The following PLD5 variants were observed in gnomAD, a reference collection of about 807,000 sequenced individuals.
PLD5 encodes the protein inactive phospholipase D5.
Under a neutral mutation model 61.1 loss-of-function variants are expected in PLD5, and 36 were observed. The observed-to-expected ratio is 0.59, with a 90% CI of 0.45 to 0.78. The LOEUF (loss-of-function observed/expected upper bound fraction) is 0.78, where lower values mean the gene tolerates loss of function less well. Among genes scored for constraint, PLD5 ranks in the 30% least tolerant of loss-of-function variants. PLD5 has a pLI of 0.00. For missense variants in PLD5, 515 were observed against 644.4 expected, an observed-to-expected ratio of 0.80 and a Z score of 2.17; for synonymous variants, 243 against 242.8, an observed-to-expected ratio of 1.00 and a Z score of -0.01.
chr1:242,525,533 A>G (rs1031925237), upstream of PLD5, among the ~76,000 whole-genome samples: 8 of 152,164 alleles, frequency 5.3e-5, no homozygotes, highest in Admixed American at 2.6e-4. Flanking sequence ...TAAATCTTCA[A>G]TCTCTTCATC....
rs1673047142 is a variant in PLD5, at chr1:242,256,760, ATCTATCTATC to A, written c.607+8567_607+8576del. ...AACTAAGACTATCATCTATCTATCT[ATCTATCTATC>A]TATCTATCTATCTATCTATCTATCT... On this transcript the variant is annotated intron_variant, in intron 4 of 9. Transcript: ENST00000536534. The surrounding 1 kb of genome is among the most constrained non-coding windows in gnomAD (Gnocchi z 5.7). 7.8e-6 allele frequency among the ~76,000 whole-genome samples: 1 copy of A among 128,278 alleles called. No individual in the cohort carries two copies. The highest frequency in any genetic ancestry group is 2.2e-4 in the East Asian group (1 of 4,600). The allele number at this position is 128,278 out of a possible 152,430, so 84.2% of individuals were successfully genotyped here.
intron 2 of PLD5, among the ~76,000 whole-genome samples, chr1:242,344,250 C>T (rs1660004661): frequency 6.6e-6 from 1 of 152,172 alleles, no homozygotes; most frequent in African/African-American, 2.4e-5. Context: ...CTCGTTATCG[C>T]ACCTACAGCC....
chr1:242,217,108 G>C (rs1304215043), intron 5 of PLD5, among the ~76,000 whole-genome samples: 1 of 152,156 alleles, frequency 6.6e-6, no homozygotes, highest in African/African-American at 2.4e-5. Context: ...CAATGTACCT[G>C]GTCACCCAAT....
chr1:242,396,024 G>C (rs1361022454), intron 1 of PLD5, among the ~76,000 whole-genome samples: 5 of 152,172 alleles, frequency 3.3e-5, no homozygotes, highest in Non-Finnish European at 5.9e-5. Flanking sequence ...CTCCAGCCTG[G>C]GTAATAAGAA....
chr1:242,304,605 AAATT>A (rs952014539), intron 2 of PLD5, among the ~76,000 whole-genome samples: 1 of 152,238 alleles, frequency 6.6e-6, no homozygotes, highest in African/African-American at 2.4e-5. Flanking sequence ...CTAATGCAAT[AAATT>A]AGTTTCTATA....
chr1:242,303,625 C>T (rs994965798), intron 2 of PLD5, among the ~76,000 whole-genome samples: 2 of 152,140 alleles, frequency 1.3e-5, no homozygotes, highest in African/African-American at 4.8e-5. Context: ...TTGACTCAAG[C>T]ACATTTTTGG....
At chr1:242,510,600 CT>C (rs771967931) in intron 1 of PLD5, among the ~76,000 whole-genome samples, 10 of 152,152 alleles carry the variant, frequency 6.6e-5, no homozygotes, top group Non-Finnish European at 1.2e-4. Context: ...AATCCCAGCA[CT>C]TTGGGAGGCC....
At chr1:242,366,092 G>C (rs1298189326) in intron 1 of PLD5, among the ~76,000 whole-genome samples, 1 of 152,096 alleles carries the variant, frequency 6.6e-6, no homozygotes, top group Non-Finnish European at 1.5e-5. Context: ...ATTCTATGAG[G>C]TCAGCATTAT....
At chr1:242,487,722 C>G (rs1668009223) in intron 1 of PLD5, among the ~76,000 whole-genome samples, 1 of 151,974 alleles carries the variant, frequency 6.6e-6, no homozygotes, top group South Asian at 2.1e-4. Flanking sequence ...TTAAAATGAG[C>G]AAAAGATCTG....
chr1:242,172,365 C>A (rs1666813214), intron 5 of PLD5, among the ~76,000 whole-genome samples: 1 of 152,182 alleles, frequency 6.6e-6, no homozygotes, highest in Non-Finnish European at 1.5e-5. Context: ...ATCTCTGGGA[C>A]ACACTGAAAG....
chr1:242,198,934 A>G (rs1019325977), intron 5 of PLD5, among the ~76,000 whole-genome samples: 4 of 151,878 alleles, frequency 2.6e-5, no homozygotes, highest in African/African-American at 9.7e-5. Flanking sequence ...GGGTTTCTCC[A>G]TGTTGGTCAG....
At chr1:242,466,413 G>T (rs1000223713) in intron 1 of PLD5, among the ~76,000 whole-genome samples, 6 of 152,076 alleles carry the variant, frequency 3.9e-5, no homozygotes, top group African/African-American at 1.4e-4. Context: ...TTAGGGACAG[G>T]TTCAAAAGAG....
At chr1:242,140,664 G>T (rs960484321) in intron 5 of PLD5, among the ~76,000 whole-genome samples, 3 of 152,118 alleles carry the variant, frequency 2.0e-5, no homozygotes, top group African/African-American at 4.8e-5. Flanking sequence ...ATCAATAAAA[G>T]ATATTTTCTG....
At chr1:242,411,424 G>A (rs934215160) in intron 1 of PLD5, among the ~76,000 whole-genome samples, 2 of 151,904 alleles carry the variant, frequency 1.3e-5, no homozygotes, top group South Asian at 2.1e-4. Context: ...TTTAGTAGAG[G>A]CGGGGTTTCA....
At chr1:242,091,629 G>A (rs1201998732) in intron 9 of PLD5, among the ~76,000 whole-genome samples, 1 of 152,100 alleles carries the variant, frequency 6.6e-6, no homozygotes, top group East Asian at 1.9e-4. Flanking sequence ...ATTACACCAA[G>A]AATGTTTTCT....
intron 6 of PLD5, among the ~76,000 whole-genome samples, chr1:242,119,917 A>T (rs1369747642): frequency 1.3e-5 from 2 of 152,228 alleles, no homozygotes; most frequent in African/African-American, 4.8e-5. Flanking sequence ...AAATAGTAGT[A>T]GTACAAATGC....
At chr1:242,272,461 T>A (rs975877099) in intron 3 of PLD5, among the ~76,000 whole-genome samples, 2 of 152,154 alleles carry the variant, frequency 1.3e-5, no homozygotes, top group African/African-American at 4.8e-5. Context: ...TTTTCGTTTG[T>A]GGAACATTTA....
chr1:242,196,453 T>G (rs1668642960), intron 5 of PLD5, among the ~76,000 whole-genome samples: 1 of 152,184 alleles, frequency 6.6e-6, no homozygotes, highest in South Asian at 2.1e-4. Context: ...GAAAGGTATT[T>G]GATGATGGGC....
At chr1:242,179,073 CA>C (rs1474292391) in intron 5 of PLD5, among the ~76,000 whole-genome samples, 1 of 152,146 alleles carries the variant, frequency 6.6e-6, no homozygotes, top group Non-Finnish European at 1.5e-5. Context: ...ATTGCATGAG[CA>C]ATCACTTGCA....
Sources: gnomAD v4.1 joint callset for allele counts (sites outside exome capture counted in the v4.1 genomes callset) on GRCh38, gnomAD v4.1.1 for gene constraint, Gnocchi (gnomAD v3.1) non-coding constraint, MANE v1.5 for transcripts, NCBI Gene and HGNC (gene_info 2026-07-23, HGNC 2026-07-21) for gene names.